UBAC2: variants seen among roughly 807,000 people sequenced by gnomAD.
UBAC2 encodes the protein UBA domain containing 2, also known as ubiquitin-associated domain-containing protein 2.
In UBAC2, 26 loss-of-function variants were observed where a neutral mutation model predicts 44.0. That is an observed-to-expected ratio of 0.59 (90% CI 0.43 to 0.82). UBAC2 has a LOEUF of 0.82. Among genes scored for constraint, UBAC2 ranks in the 40% least tolerant of loss-of-function variants. The pLI, the probability that UBAC2 is intolerant of heterozygous loss-of-function variation, is 0.00. For missense variants in UBAC2, 329 were observed against 419.4 expected (o/e 0.78, Z 1.88); for synonymous variants, 155 against 154.3 (o/e 1.00, Z -0.04).
intron 6 of UBAC2, 21 bp from the exon 7 acceptor site, chr13:99,340,299 C>T (rs371189899): frequency 6.2e-7 from 1 of 1,610,882 alleles, no homozygotes; most frequent in Middle Eastern, 1.7e-4. Flanking sequence ...TAAACAATCA[C>T]ATTGGACGTT....
chr13:99,302,088 C>T (rs1216005160), intron 4 of UBAC2, among the ~76,000 whole-genome samples: 1 of 152,046 alleles, frequency 6.6e-6, no homozygotes, highest in African/African-American at 2.4e-5. Context: ...AGAGAGGTGA[C>T]CTAAATCAAT....
At chr13:99,212,689 C>A (rs968416940) in intron 1 of UBAC2, among the ~76,000 whole-genome samples, 5 of 152,166 alleles carry the variant, frequency 3.3e-5, no homozygotes, top group Admixed American at 3.3e-4. Flanking sequence ...ATTTCCATTT[C>A]ATTATACTGC....
chr13:99,308,164 A>G (rs142347160), intron 4 of UBAC2, among the ~76,000 whole-genome samples: 1 of 152,364 alleles, frequency 6.6e-6, no homozygotes, highest in Non-Finnish European at 1.5e-5. Flanking sequence ...CCAGATATGT[A>G]GCACTCAGAT....
At chr13:99,264,431 G>A (rs2043712840) in intron 4 of UBAC2, among the ~76,000 whole-genome samples, 2 of 152,196 alleles carry the variant, frequency 1.3e-5, no homozygotes, top group Admixed American at 1.3e-4. Context: ...TTTAAAAACT[G>A]CCTTATAGCT....
intron 7 of UBAC2, among the ~76,000 whole-genome samples, chr13:99,344,384 G>C (rs1271149055): frequency 6.6e-6 from 1 of 152,158 alleles, no homozygotes; most frequent in Non-Finnish European, 1.5e-5. Flanking sequence ...CAGGCTTCAG[G>C]TTTAATTAGG....
intron 7 of UBAC2, among the ~76,000 whole-genome samples, chr13:99,347,577 T>C (rs2045011057): frequency 1.3e-5 from 2 of 152,044 alleles, no homozygotes; most frequent in Non-Finnish European, 2.9e-5. Flanking sequence ...TATGATCTTA[T>C]GCTCCTGAAG....
intron 7 of UBAC2, among the ~76,000 whole-genome samples, chr13:99,355,849 G>A (rs995271790): frequency 1.3e-5 from 2 of 152,216 alleles, no homozygotes; most frequent in East Asian, 1.9e-4. Context: ...CCCACTGGAC[G>A]CCCTGGTGCA....
chr13:99,236,549 A>G (rs2043234809), intron 1 of UBAC2, among the ~76,000 whole-genome samples: 2 of 152,224 alleles, frequency 1.3e-5, no homozygotes, highest in South Asian at 4.1e-4. Flanking sequence ...TATCAAAAAG[A>G]CAGGAATAAC....
At chr13:99,249,502 G>A (rs1394025291) in intron 4 of UBAC2, among the ~76,000 whole-genome samples, 1 of 152,192 alleles carries the variant, frequency 6.6e-6, no homozygotes, top group Admixed American at 6.5e-5. Flanking sequence ...GAATGAACAT[G>A]TGAGTGCGTG....
intron 4 of UBAC2, among the ~76,000 whole-genome samples, chr13:99,281,188 CAAAA>C (rs539579798): frequency 2.1e-5 from 3 of 144,246 alleles, no homozygotes; most frequent in African/African-American, 7.7e-5. Context: ...GACTCCATCT[CAAAA>C]AAAACAAAAC....
At chr13:99,231,987 T>C (rs1252516918) in intron 1 of UBAC2, among the ~76,000 whole-genome samples, 1 of 152,200 alleles carries the variant, frequency 6.6e-6, no homozygotes, top group Admixed American at 6.5e-5. Context: ...TCATGGTAAC[T>C]GAAGTCTGTG....
At chr13:99,308,661 G>C (rs1049844893) in intron 4 of UBAC2, 1 of 152,138 alleles carries the variant, frequency 6.6e-6, no homozygotes, top group African/African-American at 2.4e-5. Context: ...AAAAATAGTC[G>C]AGTAGCTTTT....
chr13:99,368,168 TAC>T (rs2045356989), intron 8 of UBAC2, among the ~76,000 whole-genome samples: 1 of 152,098 alleles, frequency 6.6e-6, no homozygotes, highest in African/African-American at 2.4e-5. Flanking sequence ...ACTTCATATA[TAC>T]AAGAAACTAA....
At chr13:99,364,087 C>T (rs892534903) in intron 7 of UBAC2, among the ~76,000 whole-genome samples, 1 of 152,014 alleles carries the variant, frequency 6.6e-6, no homozygotes, top group African/African-American at 2.4e-5. Flanking sequence ...AGACAGTCAT[C>T]ATTTGAATAA....
intron 4 of UBAC2, among the ~76,000 whole-genome samples, chr13:99,260,219 G>C (rs2043639747): frequency 6.6e-6 from 1 of 152,170 alleles, no homozygotes; most frequent in African/African-American, 2.4e-5. Flanking sequence ...GTTCATCCCT[G>C]CAGGTTTCCT....
intron 6 of UBAC2, among the ~76,000 whole-genome samples, chr13:99,333,926 T>C (rs980779242): frequency 6.6e-6 from 1 of 152,096 alleles, no homozygotes; most frequent in Non-Finnish European, 1.5e-5. Context: ...TTTCATTATA[T>C]TTTTCTTAAT....
In UBAC2 at chr13:99,255,136, A is replaced by G. The variant is rs150932589; in HGVS notation, c.389+10512A>G. The G allele has an allele frequency of 1.1e-4, 184 of 1,614,182 alleles. No individual in the cohort carries two copies. The East Asian group carries it at 3.2e-3, about 28-fold the overall frequency. On this transcript the variant is annotated intron_variant, in intron 4 of 8. Transcript: ENST00000403766. The stretch of plus-strand genomic sequence containing the variant: ...GAAAGCGAAACAGATGTGGAAGGGC[A>G]TAAAGCAGACGAGCACCTGCACCAG...
intron 4 of UBAC2, among the ~76,000 whole-genome samples, chr13:99,301,660 GC>G (rs1266413360): frequency 6.6e-6 from 1 of 151,860 alleles, no homozygotes; most frequent in Non-Finnish European, 1.5e-5. Context: ...AAAATAAAAG[GC>G]CCCCCAAAAC....
At chr13:99,313,245 A>G (rs1415558133) in intron 4 of UBAC2, 1 of 152,108 alleles carries the variant, frequency 6.6e-6, no homozygotes, top group African/African-American at 2.4e-5. Flanking sequence ...CGGCCTCCCA[A>G]AGTGCTGGGA....
Sources: gnomAD v4.1 joint callset for allele counts (sites outside exome capture counted in the v4.1 genomes callset) on GRCh38, gnomAD v4.1.1 for gene constraint, MANE v1.5 for transcripts, NCBI Gene and HGNC (gene_info 2026-07-23, HGNC 2026-07-21) for gene names.